Variants in WDR11 observed in about 807,000 individuals in gnomAD.
WDR11 encodes WD repeat-containing protein 11.
Under a neutral mutation model 151.2 loss-of-function variants are expected in WDR11, and 83 were observed. That is an observed-to-expected ratio of 0.55 (90% CI 0.46 to 0.66). The LOEUF (loss-of-function observed/expected upper bound fraction) is 0.66. Among genes scored for constraint, WDR11 ranks in the 30% least tolerant of loss-of-function variants. WDR11 has a pLI of 0.00. For missense variants in WDR11, 1,301 were observed against 1,480.9 expected (o/e 0.88, Z 1.99); for synonymous variants, 484 against 533.1 (o/e 0.91, Z 1.27).
At chr10:120,866,261 T>A (rs1294964954) in intron 7 of WDR11, among the ~76,000 whole-genome samples, 1 of 152,208 alleles carries the variant, frequency 6.6e-6, no homozygotes, top group Non-Finnish European at 1.5e-5. Flanking sequence ...CTACAAATTA[T>A]GATGGAAATT....
At chr10:120,874,523 A>G (rs1165135874) in intron 11 of WDR11, among the ~76,000 whole-genome samples, 3 of 151,490 alleles carry the variant, frequency 2.0e-5, no homozygotes, top group Middle Eastern at 3.5e-3. Flanking sequence ...TAAGCTCCAC[A>G]TGCATTAGCT....
chr10:120,865,538 G>C, intron 6 of WDR11, 92 bp from the exon 7 acceptor site: 3 of 839,350 alleles, frequency 3.6e-6, no homozygotes, highest in Non-Finnish European at 5.6e-6. Flanking sequence ...TTTTTCTTTT[G>C]CCCATATTAT....
At chr10:120,866,788 G>A (rs1271794774) in intron 8 of WDR11, 24 bp downstream of exon 8, 1 of 1,613,422 alleles carries the variant, frequency 6.2e-7, no homozygotes, top group Middle Eastern at 1.6e-4. Flanking sequence ...CAGGATCATG[G>A]TTTTGTTTTT....
intron 11 of WDR11, among the ~76,000 whole-genome samples, 167 bp downstream of exon 11, chr10:120,874,090 T>G (rs978209701): frequency 6.6e-6 from 1 of 152,136 alleles, no homozygotes; most frequent in Non-Finnish European, 1.5e-5. Context: ...GGATGATAAC[T>G]AATTCTTTGC....
In WDR11 at chr10:120,866,596, A is replaced by G. The variant is rs748146797; in HGVS notation, c.1022A>G (p.Tyr341Cys). 5 of 1,614,050 alleles carry G rather than the reference A, an allele frequency of 3.1e-6. No individual in the cohort carries two copies. The highest frequency in any genetic ancestry group is 1.6e-4 in the Middle Eastern group (1 of 6,084). The change falls in exon 8 of 29, where the codon TAT (tyrosine) becomes TGT (cysteine). Residue 341 changes from tyrosine (Y) to cysteine (C), a missense_variant. Physicochemically the swap from Tyr to Cys is radical, Grantham distance 194 (BLOSUM62 -2). Transcript: ENST00000263461. ...CCAGATCCAGTTCAGGAGCTTACCT[A>G]TGATTTACGAAGCCAGTGTGATGCA... is the stretch of plus-strand genomic sequence containing the variant. The part of the protein sequence containing the change: ...PDPDPVQELT[Y>C]DLRSQCDAIR...
chr10:120,874,929 T>A (rs1462131456), intron 11 of WDR11, among the ~76,000 whole-genome samples: 1 of 152,110 alleles, frequency 6.6e-6, no homozygotes, highest in Non-Finnish European at 1.5e-5. Context: ...AAGCCCCACA[T>A]GCATTAGGTA....
Position 120,889,105 on chromosome 10 carries a change from G to T in WDR11, c.2149G>T (p.Ala717Ser). The change falls in exon 17 of 29, where the codon GCT (alanine) becomes TCT (serine). Residue 717 changes from alanine to serine, a missense_variant. Coordinates refer to ENST00000263461, the MANE Select transcript of WDR11 (RefSeq NM_018117.12). ...DGSMGSITCI[A>S]WKGDTLVLGD... ...AAGTATGGGTAGTATTACCTGCATC[G>T]CTTGGAAAGGTGATACATTAGTGCT... is the stretch of plus-strand genomic sequence containing the variant. The T allele has an allele frequency of 1.9e-6, 3 of 1,613,742 alleles. No homozygotes were observed. Among genetic ancestry groups the T allele is most frequent in the Non-Finnish European group, 1.7e-6 (2 of 1,179,834 alleles).
chr10:120,861,730 G>A (rs1846147308), intron 4 of WDR11, among the ~76,000 whole-genome samples: 1 of 152,190 alleles, frequency 6.6e-6, no homozygotes, highest in South Asian at 2.1e-4. Context: ...TAAGGGCTGG[G>A]ACCCAGGGTA....
intron 22 of WDR11, among the ~76,000 whole-genome samples, chr10:120,902,585 G>C (rs1847869862): frequency 6.6e-6 from 1 of 151,696 alleles, no homozygotes; most frequent in Non-Finnish European, 1.5e-5. Context: ...ATCAGATACA[G>C]GTATATTTAA....
At chr10:120,905,495 T>A in intron 26 of WDR11, 79 bp downstream of exon 26, 1 of 1,503,210 alleles carries the variant, frequency 6.7e-7, no homozygotes, top group Non-Finnish European at 9.3e-7. Context: ...ACTTATGACT[T>A]AGAAACATTT....
intron 19 of WDR11, among the ~76,000 whole-genome samples, chr10:120,892,680 T>C (rs1847467620): frequency 6.6e-6 from 1 of 152,222 alleles, no homozygotes; most frequent in African/African-American, 2.4e-5. Flanking sequence ...GTAGAGAACG[T>C]AAAATATTGA....
chr10:120,871,062 A>G, intron 9 of WDR11, 108 bp from the exon 10 acceptor site: 2 of 1,145,798 alleles, frequency 1.7e-6, no homozygotes, highest in Non-Finnish European at 2.5e-6. Flanking sequence ...TACATTAACT[A>G]CATTATACTT....
At chr10:120,888,797 C>CTT (rs908696195) in intron 16 of WDR11, among the ~76,000 whole-genome samples, 1 of 150,448 alleles carries the variant, frequency 6.6e-6, no homozygotes, top group Non-Finnish European at 1.5e-5. Flanking sequence ...TAATTTCCCC[C>CTT]TTTTTTTTTT....
In WDR11 at chr10:120,906,161, A is replaced by C. The variant is rs781366410; in HGVS notation, c.3437+140A>C. 8.6e-5 allele frequency: 133 copies of C among 1,546,720 alleles called. 1 individual carries two copies. Among genetic ancestry groups the C allele is most frequent in the Middle Eastern group, 6.9e-4 (3 of 4,358 alleles). On this transcript the variant is annotated intron_variant, in intron 27 of 28. Coordinates refer to ENST00000263461, the MANE Select transcript of WDR11 (RefSeq NM_018117.12). ...ACATTTCAGGTTTGTCAAAAAACCCAAAGGAGAATGGAACTGTCCGTATTC... is the reference window on the plus strand; with the variant it reads ...ACATTTCAGGTTTGTCAAAAAACCCCAAGGAGAATGGAACTGTCCGTATTC...
chr10:120,871,196 C>T lies in WDR11; in HGVS notation c.1321C>T (p.His441Tyr). ...GCAAAGTGCAATTGCTGGGGAAGAACATCCCAGAGGTTCAATTCTGCGGGA... is the reference window on the plus strand; with the variant it reads ...GCAAAGTGCAATTGCTGGGGAAGAATATCCCAGAGGTTCAATTCTGCGGGA... ...IGQSAIAGEE[H>Y]PRGSILREVH... The change falls in exon 10 of 29, where the codon CAT becomes TAT. Residue 441 changes from histidine to tyrosine, a missense_variant. This residue lies in a region of WDR11 where 692 missense variants were observed against 762.5 expected (regional missense o/e 0.91). Transcript: ENST00000263461. The T allele has an allele frequency of 6.2e-7, 1 of 1,614,056 alleles. No homozygotes were observed. The highest frequency in any genetic ancestry group is 8.5e-7 in the Non-Finnish European group (1 of 1,180,008).
At chr10:120,885,108 G>A (rs1276095979) in intron 14 of WDR11, 1 of 152,172 alleles carries the variant, frequency 6.6e-6, no homozygotes, top group Non-Finnish European at 1.5e-5. Flanking sequence ...GATATTGACT[G>A]GTGTGTTTTG....
rs746741057 is a variant in WDR11, at chr10:120,851,371, G to A, written c.-50G>A. 9.1e-6 allele frequency: 14 copies of A among 1,541,022 alleles called. No homozygotes were observed. The African/African-American group carries it at 1.8e-4, about 19-fold the overall frequency. On this transcript the variant is annotated 5_prime_UTR_variant, in exon 1 of 29. Coordinates refer to ENST00000263461, the MANE Select transcript of WDR11 (RefSeq NM_018117.12). ...TGTTTGGAACGGAAGCACAGTGTCC[G>A]CCGCTTCCTGGTTGCGGGTCAGCGC... is the stretch of plus-strand genomic sequence containing the variant.
intron 13 of WDR11, among the ~76,000 whole-genome samples, chr10:120,882,765 A>G (rs1034281999): frequency 1.3e-5 from 2 of 151,940 alleles, no homozygotes; most frequent in African/African-American, 2.4e-5. Flanking sequence ...TTTTCCAAGA[A>G]ACTACTTTTG....
chr10:120,889,522 GA>G, intron 17 of WDR11: 1 of 394,672 alleles, frequency 2.5e-6, no homozygotes, highest in Non-Finnish European at 4.8e-6. Context: ...TTACAGGCAG[GA>G]GCCAGCACAC....
Sources: allele counts gnomAD v4.1 joint callset (sites outside exome capture counted in the v4.1 genomes callset), GRCh38; gene constraint gnomAD v4.1.1; regional missense constraint gnomAD v4.1.1; transcripts MANE v1.5; gene names NCBI Gene and HGNC (gene_info 2026-07-23, HGNC 2026-07-21).